SGCD: variants seen among roughly 807,000 people sequenced by gnomAD.
The protein encoded by SGCD is sarcoglycan delta.
SGCD carries 18 observed loss-of-function variants against 36.6 expected under a neutral mutation model. The ratio of observed to expected loss-of-function variants is 0.49; its 90% confidence interval spans 0.34 to 0.73. The LOEUF is 0.73. Among genes scored for constraint, SGCD ranks in the 30% least tolerant of loss-of-function variants. The pLI is 0.01. For synonymous variants in SGCD, 133 were observed against 130.6 expected, an observed-to-expected ratio of 1.02 and a Z score of -0.12; for missense variants, 387 against 346.7, an observed-to-expected ratio of 1.12 and a Z score of -0.92.
chr5:156,267,055 C>G (rs532819016), intron 3 of SGCD, among the ~76,000 whole-genome samples: 3 of 152,180 alleles, frequency 2.0e-5, no homozygotes, highest in Non-Finnish European at 4.4e-5. Flanking sequence ...AGCTCTGTCA[C>G]TATATGTGCA....
exon 3 of SGCD, chr5:156,123,907 C>T (rs1323616359): frequency 1.3e-5 from 2 of 152,118 alleles, no homozygotes; most frequent in Non-Finnish European, 2.9e-5. Flanking sequence ...ATACTGGAAC[C>T]TGTGTGAAGG....
At chr5:155,819,714 A>G in the SGCD span, among the ~76,000 whole-genome samples, 1 of 152,286 alleles carries the variant, frequency 6.6e-6, no homozygotes, top group South Asian at 2.1e-4. Context: ...ACCACACAGC[A>G]CTTTTTCTGA....
At chr5:156,212,075 A>G (rs191247249) in intron 3 of SGCD, among the ~76,000 whole-genome samples, 92 of 152,350 alleles carry the variant, frequency 6.0e-4, no homozygotes, top group African/African-American at 2.2e-3. Context: ...ATCACAAAGG[A>G]AGCCAGCAAC....
chr5:156,765,883 AT>A lies in SGCD; in HGVS notation c.*6497del, dbSNP rs886060314. 1 of 152,118 alleles carries A rather than the reference AT, an allele frequency of 6.6e-6. No homozygotes were observed. 9.4% of individuals were successfully genotyped at this position (152,118 alleles called of 1,614,324 possible). ...TGGTAGATGAAGCTATAGAACTTCTATTTTCCCTGCTTTCTGTAGTCTCTCA... is the reference window on the plus strand; with the variant it reads ...TGGTAGATGAAGCTATAGAACTTCTATTTCCCTGCTTTCTGTAGTCTCTCA... On this transcript the variant is annotated 3_prime_UTR_variant, in exon 9 of 9. Transcript: ENST00000337851.
intron 3 of SGCD, among the ~76,000 whole-genome samples, chr5:156,370,864 T>C (rs999698603): frequency 6.6e-5 from 10 of 152,242 alleles, no homozygotes; most frequent in African/African-American, 2.4e-4. Context: ...CAAAGAAATA[T>C]ACATTTAAAA....
intron 3 of SGCD, among the ~76,000 whole-genome samples, chr5:156,203,412 A>G (rs993387507): frequency 1.3e-5 from 2 of 152,186 alleles, no homozygotes; most frequent in Non-Finnish European, 2.9e-5. Flanking sequence ...TTTGAGATTG[A>G]TGAATAGTGG....
chr5:156,689,250 C>T (rs1042373004), intron 7 of SGCD, among the ~76,000 whole-genome samples: 7 of 152,126 alleles, frequency 4.6e-5, no homozygotes, highest in African/African-American at 2.4e-5. Context: ...TTCTCGAAAT[C>T]CAAAATTAAT....
intron 1 of SGCD, among the ~76,000 whole-genome samples, chr5:155,974,577 G>A (rs1042643231): frequency 2.0e-5 from 3 of 150,600 alleles, no homozygotes; most frequent in Non-Finnish European, 3.0e-5. Flanking sequence ...AGTCAGCGAT[G>A]TCTGGGGCCA....
intron 1 of SGCD, among the ~76,000 whole-genome samples, chr5:156,075,872 A>G (rs938890759): frequency 6.6e-6 from 1 of 152,210 alleles, no homozygotes; most frequent in African/African-American, 2.4e-5. Flanking sequence ...TCATCTCCAG[A>G]TTTAGACTGC....
chr5:156,033,903 T>A (rs1002843), intron 1 of SGCD, among the ~76,000 whole-genome samples: 3 of 152,094 alleles, frequency 2.0e-5, no homozygotes, highest in African/African-American at 7.3e-5. Context: ...ATTTTTTATA[T>A]CAAAGATGCC....
At chr5:156,414,258 C>T (rs1428174105) in intron 3 of SGCD, among the ~76,000 whole-genome samples, 2 of 152,174 alleles carry the variant, frequency 1.3e-5, no homozygotes, top group African/African-American at 2.4e-5. Context: ...TACATCTCTA[C>T]CAGGCTCAAT....
intron 1 of SGCD, among the ~76,000 whole-genome samples, chr5:155,955,087 A>G (rs1463180536): frequency 3.3e-5 from 5 of 152,108 alleles, no homozygotes; most frequent in African/African-American, 1.2e-4. Context: ...CAGATCTTCA[A>G]TTGATTGGAT....
intron 6 of SGCD, among the ~76,000 whole-genome samples, chr5:156,625,863 A>G (rs1331438713): frequency 6.6e-6 from 1 of 152,208 alleles, no homozygotes; most frequent in Non-Finnish European, 1.5e-5. Context: ...TGTGGAGCCT[A>G]TCATTAAATT....
At chr5:156,566,917 T>G (rs751334104) in intron 4 of SGCD, among the ~76,000 whole-genome samples, 1 of 152,188 alleles carries the variant, frequency 6.6e-6, no homozygotes, top group Non-Finnish European at 1.5e-5. Context: ...TGAAACCATC[T>G]TACATACTAG....
chr5:156,443,405 G>A (rs1753586700), intron 3 of SGCD, among the ~76,000 whole-genome samples: 1 of 152,152 alleles, frequency 6.6e-6, no homozygotes, highest in Non-Finnish European at 1.5e-5. Context: ...TTGCCAACAT[G>A]AATAGCAACA....
At chr5:156,289,688 T>G (rs1469481164) in intron 3 of SGCD, among the ~76,000 whole-genome samples, 1 of 152,092 alleles carries the variant, frequency 6.6e-6, no homozygotes, top group African/African-American at 2.4e-5. Context: ...CTAATATTAT[T>G]TTTAATTTTT....
At chr5:155,835,813 G>C in the SGCD span, among the ~76,000 whole-genome samples, 2 of 152,054 alleles carry the variant, frequency 1.3e-5, no homozygotes, top group African/African-American at 4.8e-5. Flanking sequence ...AACATTCCAG[G>C]AGTAAACAAT....
At chr5:156,126,222 G>T (rs1442541729) in intron 3 of SGCD, among the ~76,000 whole-genome samples, 1 of 152,064 alleles carries the variant, frequency 6.6e-6, no homozygotes, top group African/African-American at 2.4e-5. Flanking sequence ...AAACTAAAAA[G>T]TTATCTGCTT....
intron 3 of SGCD, among the ~76,000 whole-genome samples, chr5:156,438,955 C>T (rs1436423590): frequency 6.6e-6 from 1 of 152,096 alleles, no homozygotes; most frequent in Non-Finnish European, 1.5e-5. Flanking sequence ...CTACATTTGA[C>T]AAATTGTAGG....
Sources: gnomAD v4.1 joint callset for allele counts (sites outside exome capture counted in the v4.1 genomes callset) on GRCh38, gnomAD v4.1.1 for gene constraint, MANE v1.5 for transcripts, NCBI Gene and HGNC (gene_info 2026-07-23, HGNC 2026-07-21) for gene names.